The following LRRK2 variants were observed in gnomAD, a reference collection of about 807,000 sequenced individuals.
LRRK2 encodes the protein leucine rich repeat kinase 2.
LRRK2 carries 203 observed loss-of-function variants against 302.6 expected under a neutral mutation model. That is an observed-to-expected ratio of 0.67 (90% CI 0.60 to 0.75). The LOEUF (loss-of-function observed/expected upper bound fraction) is 0.75. Among genes scored for constraint, LRRK2 ranks in the 30% least tolerant of loss-of-function variants. The pLI, the probability that LRRK2 is intolerant of heterozygous loss-of-function variation, is 0.00. For synonymous variants in LRRK2, 1,066 were observed against 1,031.9 expected, an observed-to-expected ratio of 1.03 and a Z score of -0.63; for missense variants, 2,830 against 2,951.0, an observed-to-expected ratio of 0.96 and a Z score of 0.95.
chr12:40,311,822 T>C (rs1247790897), intron 31 of LRRK2, among the ~76,000 whole-genome samples: 2 of 152,156 alleles, frequency 1.3e-5, no homozygotes, highest in East Asian at 1.9e-4. Context: ...TGATGATAGA[T>C]GGTAATGTCA....
At chr12:40,351,780 C>A (rs778206048) in intron 44 of LRRK2, 47 bp downstream of exon 44, 2 of 1,564,778 alleles carry the variant, frequency 1.3e-6, no homozygotes, top group African/African-American at 2.7e-5. Context: ...AAGCATATAC[C>A]ATTTGGAAAG....
chr12:40,330,664 T>C (rs959938330), intron 39 of LRRK2, among the ~76,000 whole-genome samples: 4 of 152,164 alleles, frequency 2.6e-5, no homozygotes, highest in African/African-American at 9.6e-5. Flanking sequence ...ACATATGATA[T>C]ATATATAGTA....
At chr12:40,322,556 T>C (rs770492329) in intron 37 of LRRK2, 46 bp downstream of exon 37, 3 of 1,508,568 alleles carry the variant, frequency 2.0e-6, no homozygotes, top group Non-Finnish European at 2.8e-6. Context: ...GATCCTTCAA[T>C]ACTTATGAAG....
intron 30 of LRRK2, among the ~76,000 whole-genome samples, chr12:40,310,076 C>T (rs17443854): frequency 0.023 from 3,515 of 151,852 alleles, 64 homozygotes; most frequent in Non-Finnish European, 0.039. Context: ...AACTATATGA[C>T]GTTAATTTGA....
chr12:40,316,521 C>A, intron 33 of LRRK2: 1 of 183,292 alleles, frequency 5.5e-6, no homozygotes, highest in Non-Finnish European at 1.0e-5. Flanking sequence ...CTTACTTGAG[C>A]ATCAGCTTGA....
rs1158055860 is a variant in LRRK2, at chr12:40,351,527, A to C, written c.6382-12A>C. Reference sequence around the variant, plus strand: ...CGATAAGTACTGTTTTGTTATCTTTAAACTTTCTCAGGTCTTTGACATTTT... The same window carrying C: ...CGATAAGTACTGTTTTGTTATCTTTCAACTTTCTCAGGTCTTTGACATTTT... On this transcript the variant is annotated splice_polypyrimidine_tract_variant and intron_variant, in intron 43 of 50. Coordinates refer to ENST00000298910, the MANE Select transcript of LRRK2 (RefSeq NM_198578.4). 6.2e-7 allele frequency: 1 copy of C among 1,613,436 alleles called. No homozygotes were observed. Among genetic ancestry groups the C allele is most frequent in the South Asian group, 1.1e-5 (1 of 91,040 alleles).
At chr12:40,299,049 T>G in intron 24 of LRRK2, 60 bp from the exon 25 acceptor site, 1 of 1,563,868 alleles carries the variant, frequency 6.4e-7, no homozygotes, top group Non-Finnish European at 8.7e-7. Context: ...TTTTTGATAT[T>G]TTTTCTTTAA....
chr12:40,270,944 T>G (rs572666851), intron 14 of LRRK2, among the ~76,000 whole-genome samples: 1 of 152,186 alleles, frequency 6.6e-6, no homozygotes, highest in South Asian at 2.1e-4. Flanking sequence ...CTTATTACTA[T>G]TGTTTTTAAT....
chr12:40,298,757 G>A (rs1944478785), intron 24 of LRRK2, among the ~76,000 whole-genome samples: 1 of 80,478 alleles, frequency 1.2e-5, no homozygotes, highest in African/African-American at 4.5e-5. Flanking sequence ...GGGTGACAGA[G>A]GCGAGACTCT....
chr12:40,353,712 G>A (rs1453594606), intron 44 of LRRK2, among the ~76,000 whole-genome samples: 5 of 152,238 alleles, frequency 3.3e-5, no homozygotes, highest in Middle Eastern at 3.2e-3. Context: ...CTGAGTGAAC[G>A]AGACTCCGTC....
At chr12:40,304,637 A>G (rs1944750738) in intron 27 of LRRK2, 2 of 155,506 alleles carry the variant, frequency 1.3e-5, no homozygotes, top group South Asian at 3.9e-4. Flanking sequence ...CTAATACACA[A>G]GATAGTATAA....
intron 14 of LRRK2, among the ~76,000 whole-genome samples, chr12:40,267,484 C>T (rs1943067268): frequency 6.6e-6 from 1 of 152,104 alleles, no homozygotes; most frequent in East Asian, 1.9e-4. Context: ...ATAACTGGTT[C>T]CAGTTAGCCA....
intron 34 of LRRK2, 122 bp from the exon 35 acceptor site, chr12:40,320,912 T>C: frequency 1.6e-6 from 2 of 1,240,126 alleles, no homozygotes; most frequent in East Asian, 4.7e-5. Flanking sequence ...GAAACAATGT[T>C]ACAAAAAGAT....
intron 21 of LRRK2, among the ~76,000 whole-genome samples, chr12:40,294,168 TATCTATCTATC>T (rs1247061075): frequency 8.2e-6 from 1 of 121,744 alleles, no homozygotes; most frequent in South Asian, 2.6e-4. Flanking sequence ...TCTATCTATC[TATCTATCTATC>T]ATCTATCTAT....
intron 3 of LRRK2, among the ~76,000 whole-genome samples, chr12:40,234,843 T>C (rs1205311663): frequency 6.6e-6 from 1 of 152,184 alleles, no homozygotes. Context: ...TTACATCATA[T>C]ATAAAAATGG....
intron 40 of LRRK2, 77 bp downstream of exon 40, chr12:40,335,234 T>C: frequency 7.0e-7 from 1 of 1,438,206 alleles, no homozygotes; most frequent in East Asian, 2.3e-5. Context: ...TGAGAACACT[T>C]CCCAGTAACA....
In LRRK2 at chr12:40,340,587, T is replaced by A. The variant is rs187282134; in HGVS notation, c.6109+133T>A. ...AACAGAGGTTTATTTTGTGAAAAAA[T>A]GCAAGCATCACATTGTGATTTTTAT... is the stretch of plus-strand genomic sequence containing the variant. On this transcript the variant is annotated intron_variant, in intron 41 of 50. Transcript: ENST00000298910. 15 of 911,724 alleles carry A rather than the reference T, an allele frequency of 1.6e-5. No individual in the cohort carries two copies. The East Asian group carries it at 3.7e-4, about 23-fold the overall frequency. The allele number at this position is 911,724 out of a possible 1,614,324, so 56.5% of individuals were successfully genotyped here.
rs1225238395 is a variant in LRRK2 at position 40,368,306 on chromosome 12, C to A, written c.*541C>A. 6.6e-6 allele frequency: 1 copy of A among 151,892 alleles called. No individual in the cohort carries two copies. The highest frequency in any genetic ancestry group is 2.4e-5 in the African/African-American group (1 of 41,396). The allele number at this position is 151,892 out of a possible 1,614,324, so 9.4% of individuals were successfully genotyped here. A position where few individuals can be genotyped will look rare whatever the true frequency, so the allele number is the denominator to read the frequency against. On this transcript the variant is annotated 3_prime_UTR_variant, in exon 51 of 51. Transcript: ENST00000298910. Reference sequence around the variant, plus strand: ...AAAGTCCTTTGTTGGTATGTGAATTCTCTTTGTTGCTGTTGCAAACAGTGC... The same window carrying A: ...AAAGTCCTTTGTTGGTATGTGAATTATCTTTGTTGCTGTTGCAAACAGTGC...
At chr12:40,362,240 T>C (rs1465933018) in intron 47 of LRRK2, among the ~76,000 whole-genome samples, 1 of 152,016 alleles carries the variant, frequency 6.6e-6, no homozygotes, top group Non-Finnish European at 1.5e-5. Flanking sequence ...ACACATCATA[T>C]TTTTACCTCC....
Sources: gnomAD v4.1 joint callset for allele counts (sites outside exome capture counted in the v4.1 genomes callset) on GRCh38, gnomAD v4.1.1 for gene constraint, MANE v1.5 for transcripts, NCBI Gene and HGNC (gene_info 2026-07-23, HGNC 2026-07-21) for gene names.